MYO9B: variants seen among roughly 807,000 people sequenced by gnomAD.
The protein encoded by MYO9B is myosin IXB.
A neutral mutation model predicts 229.5 loss-of-function variants in MYO9B; 71 were observed. The ratio of observed to expected loss-of-function variants is 0.31; its 90% confidence interval spans 0.26 to 0.38. MYO9B has a LOEUF of 0.38. MYO9B is among the 10% of genes least tolerant of loss of function. The pLI is 1.00. For missense variants in MYO9B, 2,255 were observed against 2,920.5 expected (o/e 0.77, Z 5.25); for synonymous variants, 1,185 against 1,235.8 (o/e 0.96, Z 0.86).
At chr19:17,181,298 T>C (rs928916857) in intron 15 of MYO9B, among the ~76,000 whole-genome samples, 4 of 152,218 alleles carry the variant, frequency 2.6e-5, no homozygotes, top group African/African-American at 9.6e-5. Flanking sequence ...AGGCATCTAA[T>C]TTTCCACCCG....
intron 14 of MYO9B, 119 bp downstream of exon 14, chr19:17,175,860 T>C: frequency 1.2e-6 from 1 of 809,636 alleles, no homozygotes; most frequent in East Asian, 3.1e-5. Context: ...GAGATGGAAT[T>C]TCGCTCTTGT....
At chr19:17,151,253 C>T (rs10425095) in intron 3 of MYO9B, among the ~76,000 whole-genome samples, 5,794 of 148,616 alleles carry the variant, frequency 0.039, 357 homozygotes, top group African/African-American at 0.13. Context: ...ACTCCAGCCT[C>T]GGCAACGAGA....
intron 14 of MYO9B, chr19:17,178,001 GGA>G (rs1408900941): frequency 6.6e-6 from 1 of 152,234 alleles, no homozygotes; most frequent in African/African-American, 2.4e-5. Context: ...GGCCGTTCAG[GGA>G]ATGCCAGGGC....
intron 38 of MYO9B, 62 bp downstream of exon 38, chr19:17,210,910 C>T: frequency 1.9e-6 from 3 of 1,555,688 alleles, no homozygotes; most frequent in Non-Finnish European, 2.6e-6. Context: ...GTGCAGGTTC[C>T]ATCCCTGGTG....
Position 17,206,389 on chromosome 19 carries a change from G to T in MYO9B, c.5386+13G>T. 6.2e-7 allele frequency: 1 copy of T among 1,607,616 alleles called. No homozygotes were observed. The highest frequency in any genetic ancestry group is 8.5e-7 in the Non-Finnish European group (1 of 1,178,848). On this transcript the variant is annotated intron_variant, in intron 33 of 39. Transcript: ENST00000682292. Reference sequence around the variant, plus strand: ...CTCCGAGCCGTCGGTGAGCCCCATGGCGGTGCGGGTGGCAGCAGGTGGCCA... The same window carrying T: ...CTCCGAGCCGTCGGTGAGCCCCATGTCGGTGCGGGTGGCAGCAGGTGGCCA...
chr19:17,077,147 T>C (rs2057492915), intron 1 of MYO9B, among the ~76,000 whole-genome samples: 1 of 152,202 alleles, frequency 6.6e-6, no homozygotes, highest in African/African-American at 2.4e-5. Flanking sequence ...GTTATTCACA[T>C]CTGACAGGCC....
chr19:17,114,043 C>A (rs1296197164), intron 2 of MYO9B, among the ~76,000 whole-genome samples: 1 of 152,082 alleles, frequency 6.6e-6, no homozygotes, highest in Non-Finnish European at 1.5e-5. Flanking sequence ...CATCCTGATC[C>A]CTGCCCACTA....
chr19:17,191,343 T>C, intron 20 of MYO9B, 124 bp downstream of exon 20: 1 of 1,262,468 alleles, frequency 7.9e-7, no homozygotes, highest in Non-Finnish European at 1.1e-6. Flanking sequence ...GAAATGCATT[T>C]CTCGGGACCC....
At chr19:17,166,679 G>C (rs796375359) in intron 10 of MYO9B, among the ~76,000 whole-genome samples, 3 of 152,096 alleles carry the variant, frequency 2.0e-5, no homozygotes, top group African/African-American at 7.2e-5. Flanking sequence ...ATAGGCCCCA[G>C]TGTGTGTTGT....
At chr19:17,209,175 C>G (rs1431759250) in intron 35 of MYO9B, among the ~76,000 whole-genome samples, 1 of 152,232 alleles carries the variant, frequency 6.6e-6, no homozygotes, top group African/African-American at 2.4e-5. Context: ...CTGAGACCCT[C>G]TGATACTGAC....
chr19:17,131,391 C>T (rs2072194340), intron 2 of MYO9B, among the ~76,000 whole-genome samples: 1 of 152,224 alleles, frequency 6.6e-6, no homozygotes, highest in African/African-American at 2.4e-5. Flanking sequence ...GCCTCAGCTT[C>T]CCAAGTAGCT....
chr19:17,154,459 G>A (rs961484852), intron 6 of MYO9B, 44 bp downstream of exon 6: 2 of 1,492,044 alleles, frequency 1.3e-6, no homozygotes, highest in Admixed American at 1.9e-5. Context: ...GAGCCTACAG[G>A]GGGCACGCAT....
intron 3 of MYO9B, among the ~76,000 whole-genome samples, chr19:17,147,009 A>AG (rs1201124391): frequency 6.6e-6 from 1 of 152,224 alleles, no homozygotes; most frequent in Non-Finnish European, 1.5e-5. Context: ...CCCAGTGCCC[A>AG]GGCTCCAGTA....
Position 17,212,178 on chromosome 19 carries a change from C to A in MYO9B, c.6342C>A (p.Pro2114=). Residue 2114 remains proline (P), a synonymous_variant, in exon 40 of 40, where the codon CCC becomes CCA. Transcript: ENST00000682292. The surrounding 1 kb of genome is among the most constrained non-coding windows in gnomAD (Gnocchi z 5.4). ...AGATACATTCCGTGTACATCACGCC[C>A]GGGGCAGACCTGCCAGTGCAGGGCG... is the stretch of plus-strand genomic sequence containing the variant. ...PDQIHSVYIT[P]GADLPVQGAL... 6.3e-7 allele frequency: 1 copy of A among 1,579,806 alleles called. No homozygotes were observed. The highest frequency in any genetic ancestry group is 1.1e-5 in the South Asian group (1 of 87,084).
chr19:17,142,273 A>G (rs1447740978), intron 2 of MYO9B, among the ~76,000 whole-genome samples: 1 of 152,052 alleles, frequency 6.6e-6, no homozygotes, highest in East Asian at 1.9e-4. Flanking sequence ...CCATAGAGAC[A>G]GGAAGCAGAT....
chr19:17,209,471 G>T (rs2073201026), intron 35 of MYO9B, 115 bp from the exon 36 acceptor site: 3 of 1,150,234 alleles, frequency 2.6e-6, no homozygotes, highest in Non-Finnish European at 3.7e-6. Context: ...CCCAGGCACT[G>T]CTTGGTCTCT....
At chr19:17,186,096 T>C (rs1465273988) in intron 18 of MYO9B, 95 bp downstream of exon 18, 15 of 1,101,466 alleles carry the variant, frequency 1.4e-5, no homozygotes, top group East Asian at 2.4e-5. Flanking sequence ...CCACGCAGTA[T>C]GGGGGACGGT....
chr19:17,096,920 G>C (rs1450414145), intron 1 of MYO9B, among the ~76,000 whole-genome samples: 1 of 134,362 alleles, frequency 7.4e-6, no homozygotes. Context: ...GTCTCGATCT[G>C]ACCTCGTGAT....
chr19:17,132,484 C>A (rs956001176), intron 2 of MYO9B, among the ~76,000 whole-genome samples: 3 of 145,288 alleles, frequency 2.1e-5, no homozygotes, highest in South Asian at 4.3e-4. Flanking sequence ...CAGTGCCAGG[C>A]CTTATTTTAT....
Sources: gnomAD v4.1 joint callset for allele counts (sites outside exome capture counted in the v4.1 genomes callset) on GRCh38, gnomAD v4.1.1 for gene constraint, Gnocchi (gnomAD v3.1) non-coding constraint, MANE v1.5 for transcripts, NCBI Gene and HGNC (gene_info 2026-07-23, HGNC 2026-07-21) for gene names.